Variants in GLRA1 observed in about 807,000 individuals in gnomAD.
GLRA1 encodes glycine receptor subunit alpha-1.
In GLRA1, 37 loss-of-function variants were observed where a neutral mutation model predicts 48.3. The ratio of observed to expected loss-of-function variants is 0.77; its 90% CI spans 0.59 to 1.01. The LOEUF is 1.01. Among genes scored for constraint, GLRA1 ranks in the 50% least tolerant of loss-of-function variants. The pLI is 0.00. For synonymous variants in GLRA1, 196 were observed against 210.7 expected (o/e 0.93, Z 0.60); for missense variants, 427 against 571.0 (o/e 0.75, Z 2.57).
intron 8 of GLRA1, among the ~76,000 whole-genome samples, chr5:151,825,502 T>A (rs1251823019): frequency 6.6e-6 from 1 of 152,056 alleles, no homozygotes. Context: ...GGAGAAAAAT[T>A]CCCTAGGAAT....
rs2113343240 is a variant in GLRA1 at position 151,851,383 on chromosome 5, G to A, written c.912+7C>T. On this transcript the variant is annotated splice_region_variant and intron_variant, in intron 7 of 8. Transcript: ENST00000274576. ...GGTGTTCTGTGCTCTTGGGCAATGG[G>A]ACTTACCTTGGGCAGAGATGCTCGA... is the stretch of plus-strand genomic sequence containing the variant. The A allele has an allele frequency of 2.5e-6, 4 of 1,601,550 alleles. No individual in the cohort carries two copies. The highest frequency in any genetic ancestry group is 3.4e-6 in the Non-Finnish European group (4 of 1,169,546).
intron 6 of GLRA1, among the ~76,000 whole-genome samples, chr5:151,853,743 G>T (rs1752968484): frequency 6.6e-6 from 1 of 151,580 alleles, no homozygotes; most frequent in African/African-American, 2.4e-5. Flanking sequence ...TTTCATTATT[G>T]CTTGTGTTTT....
At chr5:151,829,203 G>T in intron 7 of GLRA1, 136 bp from the exon 8 acceptor site, 1 of 792,660 alleles carries the variant, frequency 1.3e-6, no homozygotes, top group Non-Finnish European at 2.1e-6. Flanking sequence ...GGGATATTAG[G>T]GTGGAGGTAT....
At chr5:151,866,402 C>T (rs775994633) in intron 3 of GLRA1, among the ~76,000 whole-genome samples, 7 of 152,156 alleles carry the variant, frequency 4.6e-5, no homozygotes, top group Non-Finnish European at 8.8e-5. Flanking sequence ...ATTCTAACCT[C>T]TCCTAATAAA....
rs1763163987 is a variant in GLRA1 at position 151,822,544 on chromosome 5, GCACATAT to G, written c.*122_*128del. On this transcript the variant is annotated 3_prime_UTR_variant, in exon 9 of 9. Coordinates refer to ENST00000274576, the MANE Select transcript of GLRA1 (RefSeq NM_000171.4). Reference sequence around the variant, plus strand: ...TCATGCATCACTGCATTTTGCTATTGCACATATTGCAGAGAGAGTTGTGTAAGTGTGC... The same window carrying G: ...TCATGCATCACTGCATTTTGCTATTGTGCAGAGAGAGTTGTGTAAGTGTGC... 1.4e-6 allele frequency: 1 copy of G among 722,250 alleles called. No homozygotes were observed. The highest frequency in any genetic ancestry group is 2.6e-5 in the East Asian group (1 of 37,746). The allele number at this position is 722,250 out of a possible 1,614,324, so 44.7% of individuals were successfully genotyped here. A position where few individuals can be genotyped will look rare whatever the true frequency, so the allele number is the denominator to read the frequency against.
chr5:151,881,810 G>T (rs1490778621), intron 3 of GLRA1, among the ~76,000 whole-genome samples: 2 of 152,114 alleles, frequency 1.3e-5, no homozygotes, highest in Non-Finnish European at 2.9e-5. Context: ...TGTTAGCTCC[G>T]GTGAATAAAG....
At chr5:151,832,633 A>G (rs1763452450) in intron 7 of GLRA1, among the ~76,000 whole-genome samples, 1 of 152,220 alleles carries the variant, frequency 6.6e-6, no homozygotes, top group Admixed American at 6.5e-5. Flanking sequence ...AAAGCCTCCA[A>G]GAAATACAGG....
At chr5:151,834,195 C>T (rs1763504948) in intron 7 of GLRA1, among the ~76,000 whole-genome samples, 1 of 152,182 alleles carries the variant, frequency 6.6e-6, no homozygotes, top group Admixed American at 6.5e-5. Context: ...ACACATCACA[C>T]TTATTCTAAA....
intron 7 of GLRA1, among the ~76,000 whole-genome samples, chr5:151,844,368 T>A (rs565895903): frequency 1.4e-3 from 212 of 152,152 alleles, no homozygotes; most frequent in African/African-American, 4.6e-3. Context: ...ACGCCTGTAA[T>A]CCCAGCACTT....
chr5:151,921,805 C>A (rs1327404368), intron 1 of GLRA1, among the ~76,000 whole-genome samples: 10 of 152,184 alleles, frequency 6.6e-5, no homozygotes, highest in Non-Finnish European at 1.2e-4. Flanking sequence ...CAGAATGCCA[C>A]TTACTGAATT....
Position 151,851,554 on chromosome 5 carries a change from A to AT in GLRA1, c.747_748insA (p.Tyr250IlefsTer63). The AT allele has an allele frequency of 6.2e-7, 1 of 1,614,056 alleles. No individual in the cohort carries two copies. The highest frequency in any genetic ancestry group is 8.5e-7 in the Non-Finnish European group (1 of 1,179,928). On this transcript the variant is annotated frameshift_variant, in exon 7 of 9. Coordinates refer to ENST00000274576, the MANE Select transcript of GLRA1 (RefSeq NM_000171.4). LOFTEE classifies it high-confidence loss of function. ...GGAATATACATCTGAATCAGGTAGT[A>AT]ACCCATCTGCCGCTCCAGGTGGAAC...
intron 1 of GLRA1, among the ~76,000 whole-genome samples, chr5:151,905,593 T>C (rs1754455926): frequency 6.6e-6 from 1 of 152,020 alleles, no homozygotes; most frequent in Admixed American, 6.6e-5. Flanking sequence ...AATTGCTGAG[T>C]CAAAGCTAGA....
chr5:151,861,239 C>T (rs926367749), intron 3 of GLRA1, among the ~76,000 whole-genome samples: 1 of 152,162 alleles, frequency 6.6e-6, no homozygotes, highest in Non-Finnish European at 1.5e-5. Context: ...TGGGTATATA[C>T]CCAGTAATGG....
intron 3 of GLRA1, among the ~76,000 whole-genome samples, chr5:151,877,127 C>T (rs1427754201): frequency 1.3e-5 from 2 of 152,208 alleles, no homozygotes; most frequent in Non-Finnish European, 2.9e-5. Flanking sequence ...ATCTGTGGTA[C>T]TTTGTTATGG....
intron 3 of GLRA1, among the ~76,000 whole-genome samples, chr5:151,883,363 G>A (rs1753809276): frequency 6.6e-6 from 1 of 152,172 alleles, no homozygotes; most frequent in African/African-American, 2.4e-5. Context: ...GTACTTTGTA[G>A]GTCCTGGTCC....
chr5:151,888,406 G>A (rs953231509), intron 2 of GLRA1, among the ~76,000 whole-genome samples: 2 of 152,108 alleles, frequency 1.3e-5, no homozygotes, highest in Non-Finnish European at 2.9e-5. Flanking sequence ...CTCTGTCCTG[G>A]GCCTCAATTT....
intron 3 of GLRA1, among the ~76,000 whole-genome samples, chr5:151,881,963 G>C (rs942573969): frequency 6.6e-6 from 1 of 152,156 alleles, no homozygotes; most frequent in Admixed American, 6.5e-5. Flanking sequence ...TTGGACCCAT[G>C]GTGCACAACT....
intron 2 of GLRA1, among the ~76,000 whole-genome samples, chr5:151,889,085 T>C (rs1454642015): frequency 6.6e-6 from 1 of 152,178 alleles, no homozygotes; most frequent in Non-Finnish European, 1.5e-5. Flanking sequence ...TCCCTGCAAG[T>C]GTCTGGCACT....
In GLRA1 at chr5:151,849,217, TCTTCCTTC is replaced by T. The variant is rs1292723314; in HGVS notation, c.912+2165_912+2172del. On this transcript the variant is annotated intron_variant, in intron 7 of 8. Transcript: ENST00000274576. ...CTTTCTTTTCTTTCTTTCCTTCCTTTCTTCCTTCCTTCCTTCCTTCCTTCCTTCCTTCC... is the reference window on the plus strand; with the variant it reads ...CTTTCTTTTCTTTCTTTCCTTCCTTTCTTCCTTCCTTCCTTCCTTCCTTCC... Among the ~76,000 whole-genome samples the T allele has an allele frequency of 6.5e-3, 408 of 62,946 alleles. 25 individuals are homozygous for T. The highest frequency in any genetic ancestry group is 0.022 in the African/African-American group (320 of 14,510). 41.3% of individuals were successfully genotyped at this position (62,946 alleles called of 152,430 possible).
Sources: gnomAD v4.1 joint callset for allele counts (sites outside exome capture counted in the v4.1 genomes callset) on GRCh38, gnomAD v4.1.1 for gene constraint, MANE v1.5 for transcripts, NCBI Gene and HGNC (gene_info 2026-07-23, HGNC 2026-07-21) for gene names.